The following SLC16A6 variants were observed in gnomAD, a reference collection of about 807,000 sequenced individuals.
The protein encoded by SLC16A6 is solute carrier family 16 member 6, also known as monocarboxylate transporter 7.
Under a neutral mutation model 33.8 loss-of-function variants are expected in SLC16A6, and 15 were observed. That is an observed-to-expected ratio of 0.44 (90% CI 0.30 to 0.68). The LOEUF (loss-of-function observed/expected upper bound fraction) is 0.68, where lower values mean the gene tolerates loss of function less well. Ranked by LOEUF, SLC16A6 falls within the 30% of genes least tolerant of loss-of-function variation. The pLI, the probability that SLC16A6 is intolerant of heterozygous loss-of-function variation, is 0.10. For synonymous variants in SLC16A6, 219 were observed against 248.4 expected, an observed-to-expected ratio of 0.88 and a Z score of 1.11; for missense variants, 451 against 661.5, an observed-to-expected ratio of 0.68 and a Z score of 3.49.
At chr17:68,290,886 G>A (rs1432897296) in intron 1 of SLC16A6, among the ~76,000 whole-genome samples, 200 bp downstream of exon 1, 9 of 149,604 alleles carry the variant, frequency 6.0e-5, no homozygotes, top group Non-Finnish European at 7.4e-5. Flanking sequence ...ACACCGGCGC[G>A]AGCGCGTCAT....
Position 68,268,919 on chromosome 17 carries a change from AAC to A in SLC16A6, c.*175_*176del, listed in dbSNP as rs1599482245. The A allele has an allele frequency of 9.2e-6, 13 of 1,420,274 alleles. No homozygotes were observed. The highest frequency in any genetic ancestry group is 1.7e-5 in the African/African-American group (1 of 59,230). The allele number at this position is 1,420,274 out of a possible 1,614,324, so 88.0% of individuals were successfully genotyped here. On this transcript the variant is annotated 3_prime_UTR_variant, in exon 6 of 6. Coordinates refer to ENST00000580666, the MANE Select transcript of SLC16A6 (RefSeq NM_004694.5). ...AAACAAGCAAAAAAAAAAAGCTTAA[AAC>A]AAAACAAAACAAAACAAAAGCGATG... is the stretch of plus-strand genomic sequence containing the variant.
In SLC16A6 at chr17:68,279,908, G is replaced by A. The variant is rs142198523; in HGVS notation, c.-7-1581C>T. 5.2e-3 allele frequency among the ~76,000 whole-genome samples: 788 copies of A among 152,194 alleles called. 6 individuals carry two copies. Among genetic ancestry groups the A allele is most frequent in the African/African-American group, 0.016 (681 of 41,518 alleles). On this transcript the variant is annotated intron_variant, in intron 1 of 5. Coordinates refer to ENST00000580666, the MANE Select transcript of SLC16A6 (RefSeq NM_004694.5). ...GTTTAAGAATTCTTTATGGCTGGGC[G>A]CGGTGGCTCACACCTGTAATCCCAG...
chr17:68,271,948 G>A lies in SLC16A6; in HGVS notation c.506-294C>T, dbSNP rs764625638. 1.2e-4 allele frequency among the ~76,000 whole-genome samples: 19 copies of A among 152,136 alleles called. No individual in the cohort carries two copies. The highest frequency in any genetic ancestry group is 2.2e-4 in the Non-Finnish European group (15 of 68,024). On this transcript the variant is annotated intron_variant, in intron 4 of 5. Transcript: ENST00000580666. The surrounding 1 kb of genome is among the most constrained non-coding windows in gnomAD (Gnocchi z 5.3). ...CTCCTGAGTAGCTGGGACTATAGGCGTGCGCCACCACGACCAGCCAATTTT... is the reference window on the plus strand; with the variant it reads ...CTCCTGAGTAGCTGGGACTATAGGCATGCGCCACCACGACCAGCCAATTTT...
At chr17:68,287,941 TTCTC>T (rs1240256594) in intron 1 of SLC16A6, among the ~76,000 whole-genome samples, 22 of 151,230 alleles carry the variant, frequency 1.5e-4, no homozygotes, top group Admixed American at 4.0e-4. Context: ...TCTTCTTCTC[TTCTC>T]TCTCTCTTTC....
At chr17:68,288,776 G>C (rs1306822832) in intron 1 of SLC16A6, among the ~76,000 whole-genome samples, 1 of 152,144 alleles carries the variant, frequency 6.6e-6, no homozygotes, top group African/African-American at 2.4e-5. Flanking sequence ...AAGCTCTTAG[G>C]CCATATTTGT....
rs1221639630 is a variant in SLC16A6, at chr17:68,271,074, C to T, written c.1086G>A (p.Glu362=). 5 of 1,614,034 alleles carry T rather than the reference C, an allele frequency of 3.1e-6. No homozygotes were observed. In the Admixed American group the frequency reaches 6.7e-5, roughly 22 times the overall value. The change falls in exon 5 of 6, where the codon GAG becomes GAA. Residue 362 remains glutamate, a synonymous_variant. Transcript: ENST00000580666. This position sits in a 1 kb window ranked among gnomAD's most constrained non-coding sequence, Gnocchi z 5.3. ...NREPIRKIYI[E]LICVILLTVS... is the part of the protein sequence containing the mutation. ...CAGTCAATAAGATGACGCAGATGAG[C>T]TCAATGTAAATCTTACGAATGGGCT... is the stretch of plus-strand genomic sequence containing the variant.
intron 1 of SLC16A6, among the ~76,000 whole-genome samples, chr17:68,290,080 G>T (rs1350379744): frequency 2.0e-5 from 3 of 152,282 alleles, no homozygotes; most frequent in Non-Finnish European, 4.4e-5. Context: ...ATCTTACCAT[G>T]ATTTGCAAAA....
intron 1 of SLC16A6, among the ~76,000 whole-genome samples, chr17:68,280,199 AAG>A (rs1489735173): frequency 1.4e-4 from 21 of 149,120 alleles, no homozygotes; most frequent in Middle Eastern, 6.9e-3. Flanking sequence ...AAAAAAAAAA[AAG>A]AATTATTTAT....
chr17:68,277,751 T>C (rs1460721530), intron 2 of SLC16A6, among the ~76,000 whole-genome samples: 2 of 152,180 alleles, frequency 1.3e-5, no homozygotes, highest in African/African-American at 4.8e-5. Flanking sequence ...TGTTGCTTCT[T>C]AGACAGTGAC....
intron 1 of SLC16A6, among the ~76,000 whole-genome samples, chr17:68,279,946 C>T (rs2075639200): frequency 6.6e-6 from 1 of 152,068 alleles, no homozygotes. Context: ...CTTTGGGAGG[C>T]CAAAGCGGGT....
intron 2 of SLC16A6, among the ~76,000 whole-genome samples, chr17:68,277,685 C>T (rs993063932): frequency 6.6e-6 from 1 of 152,114 alleles, no homozygotes; most frequent in Non-Finnish European, 1.5e-5. Context: ...CCACCTTGAC[C>T]TCTCAAAGTG....
chr17:68,267,650 T>C lies in SLC16A6; in HGVS notation c.*1446A>G, dbSNP rs2075199619. 6.6e-6 allele frequency: 1 copy of C among 152,182 alleles called. No individual in the cohort carries two copies. The allele number at this position is 152,182 out of a possible 1,614,324, so 9.4% of individuals were successfully genotyped here. The stretch of plus-strand genomic sequence containing the variant: ...CATCACCTGCAGGGTGAGATTGTGG[T>C]AAAATAGGTGAGTAAAAAGTCCACC... On this transcript the variant is annotated 3_prime_UTR_variant, in exon 6 of 6. Coordinates refer to ENST00000580666, the MANE Select transcript of SLC16A6 (RefSeq NM_004694.5).
chr17:68,287,163 A>G (rs534697978), intron 1 of SLC16A6, among the ~76,000 whole-genome samples: 1 of 152,018 alleles, frequency 6.6e-6, no homozygotes, highest in Admixed American at 6.6e-5. Flanking sequence ...TTGTTTTAGT[A>G]GAGATGGAGT....
Position 68,271,434 on chromosome 17 carries a change from T to C in SLC16A6, c.726A>G (p.Val242=). 1.2e-6 allele frequency: 2 copies of C among 1,614,242 alleles called. No homozygotes were observed. Among genetic ancestry groups the C allele is most frequent in the African/African-American group, 1.3e-5 (1 of 75,074 alleles). ...RTSIDSIDSG[V]ELTTSPKNVP... Reference sequence around the variant, plus strand: ...CATTTTTAGGTGAGGTAGTTAGTTCTACTCCTGAGTCAATGGAGTCTATTG... The same window carrying C: ...CATTTTTAGGTGAGGTAGTTAGTTCCACTCCTGAGTCAATGGAGTCTATTG... The change falls in exon 5 of 6, where the codon GTA becomes GTG. Residue 242 remains valine (V), a synonymous_variant. Coordinates refer to ENST00000580666, the MANE Select transcript of SLC16A6 (RefSeq NM_004694.5). This position sits in a 1 kb window ranked among gnomAD's most constrained non-coding sequence, Gnocchi z 5.3.
Position 68,271,407 on chromosome 17 carries a change from C to T in SLC16A6, c.753G>A (p.Val251=). 2 of 1,614,204 alleles carry T rather than the reference C, an allele frequency of 1.2e-6. No homozygotes were observed. The highest frequency in any genetic ancestry group is 2.7e-5 in the African/African-American group (2 of 75,054). The change falls in exon 5 of 6, where the codon GTG becomes GTA. Residue 251 remains valine (V), a synonymous_variant. Transcript: ENST00000580666. The surrounding 1 kb of genome is among the most constrained non-coding windows in gnomAD (Gnocchi z 5.3). The stretch of plus-strand genomic sequence containing the variant: ...CCAGTTCCAGGTTAGTGTGAGTAGG[C>T]ACATTTTTAGGTGAGGTAGTTAGTT... ...GVELTTSPKN[V]PTHTNLELEP... is the part of the protein sequence containing the mutation.
intron 2 of SLC16A6, 176 bp from the exon 3 acceptor site, chr17:68,274,246 G>A (rs928257935): frequency 7.8e-5 from 44 of 564,466 alleles, no homozygotes; most frequent in Admixed American, 6.0e-4. Flanking sequence ...ACGGAGGATC[G>A]CTTGAGCCCA....
At chr17:68,287,014 G>A (rs540273984) in intron 1 of SLC16A6, among the ~76,000 whole-genome samples, 4 of 151,858 alleles carry the variant, frequency 2.6e-5, no homozygotes, top group Admixed American at 6.6e-5. Flanking sequence ...ATGGAGTTTC[G>A]CTCTTGTTGC....
At chr17:68,287,598 T>C (rs187370439) in intron 1 of SLC16A6, among the ~76,000 whole-genome samples, 55 of 152,326 alleles carry the variant, frequency 3.6e-4, no homozygotes, top group Non-Finnish European at 5.0e-4. Flanking sequence ...ACCTGCATTC[T>C]TGGGTTTTTG....
In SLC16A6 at chr17:68,271,560, G is replaced by C; in HGVS notation, c.600C>G (p.Leu200=). Residue 200 remains leucine, a synonymous_variant, in exon 5 of 6, where the codon CTC becomes CTG. Transcript: ENST00000580666. This position sits in a 1 kb window ranked among gnomAD's most constrained non-coding sequence, Gnocchi z 5.3. ...QLNIVIFGAL[L]RPIFIRGPAS... The stretch of plus-strand genomic sequence containing the variant: ...CTGGTCCTCTGATAAAGATGGGTCT[G>C]AGCAGTGCTCCGAAGATGACAATGT... 6.2e-7 allele frequency: 1 copy of C among 1,614,216 alleles called. No individual in the cohort carries two copies. The highest frequency in any genetic ancestry group is 8.5e-7 in the Non-Finnish European group (1 of 1,180,034).
Sources: gnomAD v4.1 joint callset for allele counts (sites outside exome capture counted in the v4.1 genomes callset) on GRCh38, gnomAD v4.1.1 for gene constraint, Gnocchi (gnomAD v3.1) non-coding constraint, MANE v1.5 for transcripts, NCBI Gene and HGNC (gene_info 2026-07-23, HGNC 2026-07-21) for gene names.